Variants in RTL4 observed in about 807,000 individuals in gnomAD.
The protein encoded by RTL4 is retrotransposon Gag like 4.
Under a neutral mutation model 5.3 loss-of-function variants are expected in RTL4, and 4 were observed. The ratio of observed to expected loss-of-function variants is 0.75; its 90% CI spans 0.37 to 1.72. RTL4 has a LOEUF of 1.72. Among genes scored for constraint, RTL4 ranks in the 40% most tolerant of loss-of-function variants. RTL4 has a pLI of 0.04. For missense variants in RTL4, 260 were observed against 227.1 expected, an observed-to-expected ratio of 1.14 and a Z score of -0.93; for synonymous variants, 98 against 87.3, an observed-to-expected ratio of 1.12 and a Z score of -0.68.
At chrX:112,125,622 AC>A in the RTL4 span, among the ~76,000 whole-genome samples, 2 of 111,754 alleles carry the variant, frequency 1.8e-5, no homozygotes. Context: ...ATTAACTTAG[AC>A]CCCTGCCCGC....
the RTL4 span, among the ~76,000 whole-genome samples, chrX:112,388,568 C>T: frequency 8.9e-6 from 1 of 112,048 alleles, no homozygotes; most frequent in Non-Finnish European, 1.9e-5. Context: ...TGGCTCTTCT[C>T]ATTTTGAGGT....
chrX:112,392,888 C>G, the RTL4 span, among the ~76,000 whole-genome samples: 1 of 111,278 alleles, frequency 9.0e-6, no homozygotes, highest in African/African-American at 3.3e-5. Flanking sequence ...GCTTCAGCCC[C>G]CAATTACCTT....
the RTL4 span, among the ~76,000 whole-genome samples, chrX:112,340,811 G>A: frequency 9.0e-6 from 1 of 110,946 alleles, no homozygotes; most frequent in African/African-American, 3.3e-5. Context: ...CTGCCTCCCA[G>A]GTTCAAGTGA....
chrX:112,120,497 C>T, the RTL4 span, among the ~76,000 whole-genome samples: 8 of 110,080 alleles, frequency 7.3e-5, no homozygotes, highest in Non-Finnish European at 9.5e-5. Context: ...AGGATAGTCT[C>T]GATCTCCTGA....
At chrX:112,423,285 G>A in the RTL4 span, among the ~76,000 whole-genome samples, 8 of 110,461 alleles carry the variant, frequency 7.2e-5, no homozygotes, top group Admixed American at 4.9e-4. Flanking sequence ...GCAACTTACC[G>A]ATCTCCCCAA....
At chrX:112,223,271 A>G in the RTL4 span, among the ~76,000 whole-genome samples, 1 of 112,327 alleles carries the variant, frequency 8.9e-6, no homozygotes, top group African/African-American at 3.2e-5. Context: ...CTGGGCTTGT[A>G]TTTTAAATAG....
chrX:112,165,256 TAAAAC>T, the RTL4 span, among the ~76,000 whole-genome samples: 1 of 112,293 alleles, frequency 8.9e-6, no homozygotes, highest in African/African-American at 3.2e-5. Flanking sequence ...TTTCAGAAAA[TAAAAC>T]AAAATACTGA....
chrX:112,235,899 G>C, the RTL4 span, among the ~76,000 whole-genome samples: 1 of 111,644 alleles, frequency 9.0e-6, no homozygotes, highest in African/African-American at 3.3e-5. Flanking sequence ...AGTAAGTAAG[G>C]CTGAGGAAAT....
the RTL4 span, among the ~76,000 whole-genome samples, chrX:112,438,430 G>A: frequency 1.8e-5 from 2 of 112,244 alleles, no homozygotes; most frequent in African/African-American, 3.2e-5. Flanking sequence ...GCTCTCCTCT[G>A]CCCCCACTTC....
At chrX:112,449,469 C>T in the RTL4 span, among the ~76,000 whole-genome samples, 1 of 111,459 alleles carries the variant, frequency 9.0e-6, no homozygotes, top group African/African-American at 3.3e-5. Context: ...ACAGAAAGGA[C>T]CTTTTGAGGG....
the RTL4 span, among the ~76,000 whole-genome samples, chrX:112,200,609 G>A: frequency 1.5e-4 from 17 of 112,120 alleles, no homozygotes; most frequent in African/African-American, 5.5e-4. Flanking sequence ...TTGGTGAGAA[G>A]GACAGGTTCA....
chrX:112,110,127 GT>G, the RTL4 span, among the ~76,000 whole-genome samples: 1 of 111,824 alleles, frequency 8.9e-6, no homozygotes, highest in African/African-American at 3.3e-5. Flanking sequence ...TTTGAAAGGC[GT>G]TGTCTGATTT....
At chrX:112,161,832 C>CTTTCTTTCTTT in the RTL4 span, among the ~76,000 whole-genome samples, 129 of 26,550 alleles carry the variant, frequency 4.9e-3, 1 homozygote, top group African/African-American at 4.8e-3. Context: ...TTCCTTCCTT[C>CTTTCTTTCTTT]CTTCCTTCCT....
At chrX:112,238,851 T>A in the RTL4 span, among the ~76,000 whole-genome samples, 1 of 111,752 alleles carries the variant, frequency 8.9e-6, no homozygotes, top group Non-Finnish European at 1.9e-5. Flanking sequence ...TGGCAATACC[T>A]GCTCTACTAC....
At chrX:112,184,367 TA>T in the RTL4 span, among the ~76,000 whole-genome samples, 1 of 111,430 alleles carries the variant, frequency 9.0e-6, no homozygotes, top group African/African-American at 3.3e-5. Flanking sequence ...AAATTAAAAT[TA>T]AAAAAAGGAA....
the RTL4 span, among the ~76,000 whole-genome samples, chrX:112,274,927 G>T: frequency 3.6e-5 from 4 of 111,251 alleles, no homozygotes; most frequent in Non-Finnish European, 7.5e-5. Context: ...TATTCTAAGT[G>T]CTTTACATAT....
At chrX:112,297,808 C>A in the RTL4 span, among the ~76,000 whole-genome samples, 1 of 111,711 alleles carries the variant, frequency 9.0e-6, no homozygotes, top group Non-Finnish European at 1.9e-5. Flanking sequence ...TAGGCCTACT[C>A]AGCTTAGAGG....
the RTL4 span, among the ~76,000 whole-genome samples, chrX:112,315,409 C>G: frequency 9.0e-6 from 1 of 111,391 alleles, no homozygotes; most frequent in African/African-American, 3.3e-5. Flanking sequence ...CTACTCCCAC[C>G]TCTACTCTCG....
At chrX:112,453,259 C>A (rs564715372), upstream of RTL4, among the ~76,000 whole-genome samples, 42 of 111,306 alleles carry the variant, frequency 3.8e-4, no homozygotes, top group African/African-American at 1.4e-3. Flanking sequence ...AATGATACAT[C>A]ATTTTTTCCC....
Sources: gnomAD v4.1 joint callset for allele counts (sites outside exome capture counted in the v4.1 genomes callset) on GRCh38, gnomAD v4.1.1 for gene constraint, MANE v1.5 for transcripts, NCBI Gene and HGNC (gene_info 2026-07-23, HGNC 2026-07-21) for gene names.